The following GABRG3 variants were observed in gnomAD, a reference collection of about 807,000 sequenced individuals.
GABRG3 encodes gamma-aminobutyric acid receptor subunit gamma-3.
A neutral mutation model predicts 48.8 loss-of-function variants in GABRG3; 25 were observed. The ratio of observed to expected loss-of-function variants is 0.51; its 90% CI spans 0.37 to 0.72. GABRG3 has a LOEUF of 0.72. GABRG3 is among the 30% of genes least tolerant of loss of function. The probability of loss-of-function intolerance (pLI) is 0.00; values close to 1 mark genes in which losing one functional copy is unlikely to be tolerated. For missense variants in GABRG3, 394 were observed against 577.9 expected (o/e 0.68, Z 3.26); for synonymous variants, 227 against 217.6 (o/e 1.04, Z -0.38).
At chr15:27,267,006 A>G (rs1037919990) in intron 3 of GABRG3, among the ~76,000 whole-genome samples, 14 of 151,928 alleles carry the variant, frequency 9.2e-5, no homozygotes, top group African/African-American at 3.1e-4. Flanking sequence ...ATGTGTTATT[A>G]CATTGGCTAG....
intron 3 of GABRG3, among the ~76,000 whole-genome samples, chr15:27,085,092 A>G (rs1255633054): frequency 6.6e-6 from 1 of 152,244 alleles, no homozygotes; most frequent in Non-Finnish European, 1.5e-5. Context: ...GAATGAGAGT[A>G]TCATGCACCA....
chr15:27,042,223 G>A (rs1308147217), intron 3 of GABRG3, among the ~76,000 whole-genome samples: 10 of 152,150 alleles, frequency 6.6e-5, no homozygotes, highest in Non-Finnish European at 1.3e-4. Flanking sequence ...TTCCGGTTGA[G>A]AAGCTCCCGA....
At chr15:27,191,936 C>G (rs1461529336) in intron 3 of GABRG3, among the ~76,000 whole-genome samples, 6 of 151,918 alleles carry the variant, frequency 3.9e-5, no homozygotes, top group Non-Finnish European at 7.4e-5. Flanking sequence ...GACAAAATCT[C>G]TCAGCATTTG....
chr15:27,507,348 A>T (rs1381889373), intron 6 of GABRG3, among the ~76,000 whole-genome samples: 1 of 152,116 alleles, frequency 6.6e-6, no homozygotes, highest in Non-Finnish European at 1.5e-5. Context: ...TACTAAAAAT[A>T]CAAAAATTAG....
At chr15:27,052,168 A>G (rs905924210) in intron 3 of GABRG3, among the ~76,000 whole-genome samples, 1 of 152,170 alleles carries the variant, frequency 6.6e-6, no homozygotes, top group Non-Finnish European at 1.5e-5. Flanking sequence ...GAAGAATGCC[A>G]TGTCTGGTAG....
rs1555400723 is a variant in GABRG3 at position 27,055,018 on chromosome 15, T to TG, written c.270+28197_270+28198insG. Among the ~76,000 whole-genome samples the TG allele has an allele frequency of 8.0e-3, 1,216 of 151,856 alleles. 44 individuals carry two copies. The East Asian group carries it at 0.095, about 12-fold the overall frequency. ...AGGGCCAAGACCTGTTTTTTTTTTTTTTTTTTTTTAAATGACTTGTCAGCT... is the reference window on the plus strand; with the variant it reads ...AGGGCCAAGACCTGTTTTTTTTTTTTGTTTTTTTTTAAATGACTTGTCAGCT... On this transcript the variant is annotated intron_variant, in intron 3 of 9. Transcript: ENST00000615808.
intron 6 of GABRG3, among the ~76,000 whole-genome samples, chr15:27,518,195 C>CAAAAAAAAAAAAAAA (rs58222645): frequency 5.1e-4 from 45 of 88,020 alleles, no homozygotes; most frequent in African/African-American, 1.9e-3. Context: ...ACTAAAAATA[C>CAAAAAAAAAAAAAAA]AAAAAAAAAA....
intron 3 of GABRG3, among the ~76,000 whole-genome samples, chr15:27,305,655 CATATATA>C (rs1199243641): frequency 3.0e-5 from 3 of 100,190 alleles, no homozygotes; most frequent in Non-Finnish European, 6.4e-5. Context: ...TATATATAAA[CATATATA>C]ATATAAACCT....
chr15:27,401,588 T>C (rs1464571648), intron 5 of GABRG3, among the ~76,000 whole-genome samples: 1 of 152,188 alleles, frequency 6.6e-6, no homozygotes, highest in Non-Finnish European at 1.5e-5. Flanking sequence ...CTCACTCCCT[T>C]ACCCCTGTGA....
chr15:27,374,098 A>G (rs1412042708), intron 5 of GABRG3, among the ~76,000 whole-genome samples: 1 of 147,484 alleles, frequency 6.8e-6, no homozygotes, highest in Admixed American at 6.7e-5. Flanking sequence ...AAGGAGTTCA[A>G]TCTGATGTAT....
At chr15:27,060,330 A>C (rs1896623479) in intron 3 of GABRG3, among the ~76,000 whole-genome samples, 2 of 152,334 alleles carry the variant, frequency 1.3e-5, no homozygotes, top group South Asian at 4.1e-4. Flanking sequence ...CTGGCCCCTG[A>C]GCAGGGTTGG....
At chr15:27,337,683 CCT>C (rs1052759355) in intron 5 of GABRG3, among the ~76,000 whole-genome samples, 5 of 152,082 alleles carry the variant, frequency 3.3e-5, no homozygotes, top group African/African-American at 1.2e-4. Context: ...ATTTTTTCTC[CCT>C]GTTTATTTCC....
intron 5 of GABRG3, among the ~76,000 whole-genome samples, chr15:27,480,449 G>A (rs550609676): frequency 6.6e-6 from 1 of 152,146 alleles, no homozygotes; most frequent in African/African-American, 2.4e-5. Flanking sequence ...CTGGCCATTC[G>A]TGAAGATCTA....
chr15:27,316,387 CAAAA>C (rs749930128), intron 3 of GABRG3, among the ~76,000 whole-genome samples: 1 of 41,660 alleles, frequency 2.4e-5, no homozygotes, highest in African/African-American at 8.0e-5. Flanking sequence ...GACTCCGTCT[CAAAA>C]AAAAAAAAAA....
chr15:27,278,266 G>A (rs1891320460), intron 3 of GABRG3, among the ~76,000 whole-genome samples: 1 of 152,010 alleles, frequency 6.6e-6, no homozygotes, highest in South Asian at 2.1e-4. Flanking sequence ...TGACCAGGCT[G>A]GTCTCAAACT....
intron 3 of GABRG3, among the ~76,000 whole-genome samples, chr15:27,110,179 T>C (rs1378798996): frequency 1.3e-5 from 2 of 152,198 alleles, no homozygotes. Context: ...ATATCATTTA[T>C]GCTTATTTTT....
chr15:27,218,323 G>A (rs1023192800), intron 3 of GABRG3, among the ~76,000 whole-genome samples: 6 of 152,070 alleles, frequency 3.9e-5, no homozygotes, highest in Non-Finnish European at 8.8e-5. Flanking sequence ...TCTTATTCGT[G>A]GCAGGAAACT....
chr15:27,227,585 G>A (rs1889663913), intron 3 of GABRG3, among the ~76,000 whole-genome samples: 1 of 152,044 alleles, frequency 6.6e-6, no homozygotes, highest in South Asian at 2.1e-4. Context: ...TATTTGGAAG[G>A]CTGAGGCAGG....
chr15:27,075,556 G>T (rs1470159305), intron 3 of GABRG3, among the ~76,000 whole-genome samples: 4 of 152,238 alleles, frequency 2.6e-5, no homozygotes, highest in Admixed American at 6.5e-5. Context: ...TTTCCATATT[G>T]TTTATATAAG....
Sources: gnomAD v4.1 joint callset for allele counts (sites outside exome capture counted in the v4.1 genomes callset) on GRCh38, gnomAD v4.1.1 for gene constraint, MANE v1.5 for transcripts, NCBI Gene and HGNC (gene_info 2026-07-23, HGNC 2026-07-21) for gene names.